The following TUBGCP5 variants were observed in gnomAD, a reference collection of about 807,000 sequenced individuals.
TUBGCP5 encodes tubulin gamma complex component 5.
A neutral mutation model predicts 134.7 loss-of-function variants in TUBGCP5; 98 were observed. That is an observed-to-expected ratio of 0.73 (90% CI 0.62 to 0.86). The LOEUF is 0.86. TUBGCP5 is among the 40% of genes least tolerant of loss of function. TUBGCP5 has a pLI of 0.00. For missense variants in TUBGCP5, 1,150 were observed against 1,244.8 expected (o/e 0.92, Z 1.15); for synonymous variants, 456 against 431.4 (o/e 1.06, Z -0.71).
intron 23 of TUBGCP5, among the ~76,000 whole-genome samples, chr15:22,988,515 C>T (rs111618799): frequency 0.014 from 2,060 of 151,364 alleles, 67 homozygotes; most frequent in African/African-American, 0.046. Flanking sequence ...GGGCGTATCA[C>T]GAGGTCAGGA....
rs567268479 is a variant in TUBGCP5 at position 23,002,151 on chromosome 15, A to G, written c.2927+914T>C. Among the ~76,000 whole-genome samples the G allele has an allele frequency of 5.5e-4, 80 of 144,172 alleles. 1 individual carries two copies. The highest frequency in any genetic ancestry group is 8.3e-4 in the Non-Finnish European group (55 of 66,442). 94.6% of individuals were successfully genotyped at this position (144,172 alleles called of 152,430 possible). On this transcript the variant is annotated intron_variant, in intron 21 of 22. Transcript: ENST00000615383. ...CCCCAAAGTGAGACAAAAAAAAAAG[A>G]AAAAAAAAAAGCAAAATATATTTTG...
Position 23,006,176 on chromosome 15 carries a change from T to C in TUBGCP5, c.2413-4A>G. The C allele has an allele frequency of 2.5e-6, 4 of 1,607,936 alleles. No individual in the cohort carries two copies. The highest frequency in any genetic ancestry group is 3.4e-6 in the Non-Finnish European group (4 of 1,178,836). On this transcript the variant is annotated splice_polypyrimidine_tract_variant and splice_region_variant and intron_variant, in intron 17 of 22. Coordinates refer to ENST00000615383, the MANE Select transcript of TUBGCP5 (RefSeq NM_052903.6). ...CAATGTCCACGGGCCATGGGACCTA[T>C]GAAACAAAAACAAAATTAGAAAGTA...
At chr15:22,990,285 T>C (rs1357670213) in intron 23 of TUBGCP5, among the ~76,000 whole-genome samples, 2 of 150,928 alleles carry the variant, frequency 1.3e-5, no homozygotes, top group Non-Finnish European at 2.9e-5. Context: ...CTCCTCCTCC[T>C]GCTAGGGCAC....
chr15:23,011,068 CAGTT>C, intron 14 of TUBGCP5, 61 bp downstream of exon 14: 2 of 1,523,126 alleles, frequency 1.3e-6, no homozygotes, highest in Admixed American at 1.7e-5. Context: ...CAGAAATAAA[CAGTT>C]AGCAAACATT....
chr15:23,024,300 A>AC, intron 9 of TUBGCP5, 107 bp from the exon 10 acceptor site: 5 of 1,288,898 alleles, frequency 3.9e-6, no homozygotes, highest in Non-Finnish European at 5.3e-6. Context: ...TTTAAACAGT[A>AC]TGTTTAGTAG....
intron 4 of TUBGCP5, 33 bp from the exon 5 acceptor site, chr15:23,032,062 A>C (rs2140660633): frequency 6.5e-7 from 1 of 1,530,728 alleles, no homozygotes; most frequent in Non-Finnish European, 9.0e-7. Flanking sequence ...CATTGGCTTT[A>C]TTATATCTAT....
chr15:23,016,972 A>ATG (rs901238609), intron 13 of TUBGCP5, among the ~76,000 whole-genome samples: 23 of 138,350 alleles, frequency 1.7e-4, no homozygotes, highest in African/African-American at 6.5e-4. Context: ...ATTGTGAGAT[A>ATG]TATATATATA....
rs1340715594 is a variant in TUBGCP5 at position 23,007,547 on chromosome 15, G to C, written c.2327+1152C>G. Among the ~76,000 whole-genome samples the C allele has an allele frequency of 2.6e-5, 4 of 152,296 alleles. No homozygotes were observed. The East Asian group carries it at 5.8e-4, about 22-fold the overall frequency. On this transcript the variant is annotated intron_variant, in intron 16 of 22. Coordinates refer to ENST00000615383, the MANE Select transcript of TUBGCP5 (RefSeq NM_052903.6). ...CTCCAGGGACTCCCAGCCCAGTGCA[G>C]CACACGAAGACAAGGGGGATGTAGG...
rs184868541 is a variant in TUBGCP5, at chr15:23,034,837, A to C, written c.310-2013T>G. On this transcript the variant is annotated intron_variant, in intron 3 of 22. Transcript: ENST00000615383. Reference sequence around the variant, plus strand: ...GCAAGATTCCGTCTCAAAAAACAAAAAAACAAACAAACAAAAAGACATTGA... The same window carrying C: ...GCAAGATTCCGTCTCAAAAAACAAACAAACAAACAAACAAAAAGACATTGA... 9.9e-5 allele frequency among the ~76,000 whole-genome samples: 15 copies of C among 151,970 alleles called. 1 individual carries two copies. The highest frequency in any genetic ancestry group is 4.2e-4 in the South Asian group (2 of 4,816).
At chr15:23,015,573 C>T (rs2065264885) in intron 13 of TUBGCP5, among the ~76,000 whole-genome samples, 2 of 152,086 alleles carry the variant, frequency 1.3e-5, no homozygotes, top group South Asian at 4.2e-4. Context: ...ACCCAGGAGG[C>T]AGAGTTTGCA....
chr15:22,985,622 G>C lies in TUBGCP5; in HGVS notation c.*62-2011C>G, dbSNP rs547322541. ...ATAAACAAATACTGTTCATATAATG[G>C]AATATTACTCAGCAATAAAAAGGAA... On this transcript the variant is annotated intron_variant and NMD_transcript_variant, in intron 23 of 23. Transcript: ENST00000614508. Among the ~76,000 whole-genome samples the C allele has an allele frequency of 3.5e-4, 53 of 152,086 alleles. 2 individuals are homozygous for C. The highest frequency in any genetic ancestry group is 6.8e-4 in the Non-Finnish European group (46 of 68,016).
rs187634396 is a variant in TUBGCP5, at chr15:23,025,667, C to T, written c.827+449G>A. On this transcript the variant is annotated intron_variant, in intron 8 of 22. Coordinates refer to ENST00000615383, the MANE Select transcript of TUBGCP5 (RefSeq NM_052903.6). Reference sequence around the variant, plus strand: ...CTAACATGGTGAAACCCCGTCTCTACTAAAAAAGTAAAAATTAGCCGGGCT... The same window carrying T: ...CTAACATGGTGAAACCCCGTCTCTATTAAAAAAGTAAAAATTAGCCGGGCT... 1.4e-3 allele frequency among the ~76,000 whole-genome samples: 209 copies of T among 152,124 alleles called. 1 individual carries two copies. Among genetic ancestry groups the T allele is most frequent in the African/African-American group, 4.4e-3 (183 of 41,500 alleles).
At chr15:23,028,073 A>C (rs1334855946) in intron 6 of TUBGCP5, among the ~76,000 whole-genome samples, 1 of 152,090 alleles carries the variant, frequency 6.6e-6, no homozygotes. Context: ...TTTAAACTAG[A>C]CAAAGACAGG....
chr15:23,015,622 A>G (rs1006771761), intron 13 of TUBGCP5, among the ~76,000 whole-genome samples: 1 of 152,070 alleles, frequency 6.6e-6, no homozygotes, highest in Admixed American at 6.5e-5. Flanking sequence ...AGCCTAGGTA[A>G]TAGAGCAAGA....
downstream of TUBGCP5, among the ~76,000 whole-genome samples, chr15:22,996,258 G>A (rs1027455505): frequency 6.6e-6 from 1 of 151,976 alleles, no homozygotes; most frequent in Non-Finnish European, 1.5e-5. Flanking sequence ...TTGACATGCC[G>A]GTCTTTTTAT....
At chr15:23,031,838 G>T (rs1481641619) in intron 5 of TUBGCP5, 112 bp downstream of exon 5, 1 of 670,944 alleles carries the variant, frequency 1.5e-6, no homozygotes, top group Non-Finnish European at 2.5e-6. Flanking sequence ...CTAGCTTAGT[G>T]AAGAGTGTTC....
intron 23 of TUBGCP5, among the ~76,000 whole-genome samples, chr15:22,986,781 C>A (rs553415951): frequency 6.6e-6 from 1 of 151,548 alleles, no homozygotes; most frequent in East Asian, 1.9e-4. Flanking sequence ...ATCGTTAAAT[C>A]GTTTGCTTGG....
At chr15:23,037,269 G>C in intron 1 of TUBGCP5, 117 bp from the exon 2 acceptor site, 1 of 970,826 alleles carries the variant, frequency 1.0e-6, no homozygotes, top group Admixed American at 2.1e-5. Flanking sequence ...TTCCAGAATG[G>C]AGTGTACCTT....
intron 19 of TUBGCP5, 112 bp downstream of exon 19, chr15:23,005,320 C>T (rs1420561377): frequency 7.8e-6 from 10 of 1,279,954 alleles, no homozygotes; most frequent in Middle Eastern, 1.9e-4. Context: ...CTACATGTCC[C>T]GTTTTCACAG....
Sources: gnomAD v4.1 joint callset for allele counts (sites outside exome capture counted in the v4.1 genomes callset) on GRCh38, gnomAD v4.1.1 for gene constraint, MANE v1.5 for transcripts, NCBI Gene and HGNC (gene_info 2026-07-23, HGNC 2026-07-21) for gene names.